TBC1D2B: variants seen among roughly 807,000 people sequenced by gnomAD.
TBC1D2B encodes the protein TBC1 domain family member 2B.
In TBC1D2B, 64 loss-of-function variants were observed where a neutral mutation model predicts 100.8. The ratio of observed to expected loss-of-function variants is 0.64; its 90% CI spans 0.52 to 0.78. TBC1D2B has a LOEUF of 0.78. Among genes scored for constraint, TBC1D2B ranks in the 30% least tolerant of loss-of-function variants. The probability of loss-of-function intolerance (pLI) is 0.00; values close to 1 mark genes in which losing one functional copy is unlikely to be tolerated. For synonymous variants in TBC1D2B, 480 were observed against 479.7 expected (o/e 1.00, Z -0.01); for missense variants, 1,052 against 1,218.4 (o/e 0.86, Z 2.03).
intron 3 of TBC1D2B, among the ~76,000 whole-genome samples, chr15:78,041,601 T>TACAA (rs2073095873): frequency 6.6e-6 from 1 of 152,252 alleles, no homozygotes; most frequent in Non-Finnish European, 1.5e-5. Context: ...AGCCATTCAT[T>TACAA]TATAATACAG....
intron 1 of TBC1D2B, among the ~76,000 whole-genome samples, chr15:78,068,735 A>T (rs1333588413): frequency 6.6e-6 from 1 of 152,158 alleles, no homozygotes; most frequent in Non-Finnish European, 1.5e-5. Context: ...GAATGCCAAG[A>T]TGTTTACTGA....
Position 78,003,365 on chromosome 15 carries a change from A to G in TBC1D2B, c.2514T>C (p.Asp838=). 2 of 1,613,946 alleles carry G rather than the reference A, an allele frequency of 1.2e-6. No homozygotes were observed. The highest frequency in any genetic ancestry group is 1.1e-5 in the South Asian group (1 of 91,090). The change falls in exon 11 of 13, where the codon GAT becomes GAC. Residue 838 remains aspartate, a synonymous_variant. Transcript: ENST00000300584. ...TAAAGAGGATGTCACTAACGACACT[A>G]TCCACAAATACCACCAGAAACCAGT... is the stretch of plus-strand genomic sequence containing the variant. ...TFNWFLVVFV[D]SVVSDILFKI... is the part of the protein sequence containing the mutation.
chr15:78,007,468 G>A (rs1034956234), intron 10 of TBC1D2B, among the ~76,000 whole-genome samples: 1 of 152,366 alleles, frequency 6.6e-6, no homozygotes. Context: ...TACAGGGGAA[G>A]GAGGCAGGAG....
intron 2 of TBC1D2B, among the ~76,000 whole-genome samples, chr15:78,050,259 C>A (rs941424968): frequency 3.9e-5 from 6 of 152,198 alleles, no homozygotes; most frequent in African/African-American, 1.4e-4. Context: ...CTAACCAATG[C>A]AGCTGCTTCA....
In TBC1D2B at chr15:77,996,617, A is replaced by G. The variant is rs562066622; in HGVS notation, c.*1543T>C. The G allele has an allele frequency of 6.6e-6, 1 of 152,382 alleles. No individual in the cohort carries two copies. The highest frequency in any genetic ancestry group is 1.5e-5 in the Non-Finnish European group (1 of 68,044). 9.4% of individuals were successfully genotyped at this position (152,382 alleles called of 1,614,324 possible). On this transcript the variant is annotated 3_prime_UTR_variant, in exon 13 of 13. Transcript: ENST00000300584. ...AGCTCCGTCTACCCAGTGAAACATT[A>G]GTGGAGTTGGTTAAAGACACGAAGC...
At chr15:78,057,032 C>A (rs2073439579) in intron 1 of TBC1D2B, among the ~76,000 whole-genome samples, 1 of 152,198 alleles carries the variant, frequency 6.6e-6, no homozygotes, top group Admixed American at 6.5e-5. Context: ...GCTAGAGAAG[C>A]TGGCACATAC....
At chr15:78,029,680 G>C (rs1488934385) in intron 4 of TBC1D2B, among the ~76,000 whole-genome samples, 1 of 152,138 alleles carries the variant, frequency 6.6e-6, no homozygotes, top group African/African-American at 2.4e-5. Flanking sequence ...GTGTACACCA[G>C]AATTCATGAG....
At chr15:78,018,567 AT>A (rs752273986) in intron 6 of TBC1D2B, among the ~76,000 whole-genome samples, 4 of 152,250 alleles carry the variant, frequency 2.6e-5, no homozygotes, top group Admixed American at 6.5e-5. Context: ...CTTCACCTAA[AT>A]TAGCCAATTG....
rs2071725851 is a variant in TBC1D2B, at chr15:77,995,479, G to A, written c.*2681C>T. 6.6e-6 allele frequency: 1 copy of A among 152,316 alleles called. No homozygotes were observed. Among genetic ancestry groups the A allele is most frequent in the Non-Finnish European group, 1.5e-5 (1 of 68,014 alleles). 9.4% of individuals were successfully genotyped at this position (152,316 alleles called of 1,614,324 possible). A position where few individuals can be genotyped will look rare whatever the true frequency, so the allele number is the denominator to read the frequency against. On this transcript the variant is annotated 3_prime_UTR_variant, in exon 13 of 13. Coordinates refer to ENST00000300584, the MANE Select transcript of TBC1D2B (RefSeq NM_144572.2). ...GGTGAGTCAGTGAGAGTCAGGGCCA[G>A]AGGGAAAAGCAACTCGGAGGCTGAG...
intron 9 of TBC1D2B, among the ~76,000 whole-genome samples, chr15:78,012,505 A>G (rs1458172221): frequency 6.6e-6 from 1 of 152,246 alleles, no homozygotes; most frequent in East Asian, 1.9e-4. Context: ...TTTCCACTCC[A>G]TGCATTACAA....
rs1334484616 is a variant in TBC1D2B, at chr15:77,998,207, T to C, written c.2845A>G (p.Ser949Gly). Reference protein sequence around the residue: ...REDFLRERDTSPDKGELVSDE... With the variant: ...REDFLRERDTGPDKGELVSDE... Reference sequence around the variant, plus strand: ...CTGACCAGCTCACCCTTGTCAGGGCTGGTGTCCCGCTCACGCAGGAAGTCC... The same window carrying C: ...CTGACCAGCTCACCCTTGTCAGGGCCGGTGTCCCGCTCACGCAGGAAGTCC... Residue 949 changes from serine to glycine, a missense_variant, in exon 13 of 13, where the codon AGC becomes GGC. Physicochemically the swap from Ser to Gly is moderately conservative, Grantham distance 56. This residue lies in a region of TBC1D2B where 47 missense variants were observed against 88.3 expected (regional missense o/e 0.53). Transcript: ENST00000300584. 5 of 1,562,256 alleles carry C rather than the reference T, an allele frequency of 3.2e-6. No homozygotes were observed. Among genetic ancestry groups the C allele is most frequent in the Non-Finnish European group, 4.3e-6 (5 of 1,153,662 alleles).
chr15:78,030,236 T>C, intron 3 of TBC1D2B, 66 bp from the exon 4 acceptor site: 2 of 1,407,368 alleles, frequency 1.4e-6, no homozygotes, highest in Non-Finnish European at 1.9e-6. Context: ...ATCTCATGTA[T>C]ATAGGATTGG....
intron 9 of TBC1D2B, among the ~76,000 whole-genome samples, chr15:78,010,523 A>G (rs1053697176): frequency 9.2e-5 from 14 of 152,144 alleles, no homozygotes; most frequent in Non-Finnish European, 1.3e-4. Context: ...AAGTCCAGGA[A>G]GGGGATGTCT....
intron 1 of TBC1D2B, among the ~76,000 whole-genome samples, chr15:78,055,345 C>G (rs1048039116): frequency 3.8e-4 from 57 of 151,922 alleles, no homozygotes; most frequent in African/African-American, 1.3e-3. Flanking sequence ...GGGAGAGGAC[C>G]CAGAACAATG....
At chr15:78,044,717 G>A (rs2073160202) in intron 3 of TBC1D2B, among the ~76,000 whole-genome samples, 183 bp downstream of exon 3, 1 of 152,224 alleles carries the variant, frequency 6.6e-6, no homozygotes, top group Non-Finnish European at 1.5e-5. Flanking sequence ...TTGGCATAGT[G>A]TCAGACACAG....
intron 3 of TBC1D2B, among the ~76,000 whole-genome samples, chr15:78,036,458 C>A (rs1477025552): frequency 6.6e-6 from 1 of 152,176 alleles, no homozygotes; most frequent in African/African-American, 2.4e-5. Context: ...AAGGCTCAGT[C>A]TTCACGAATG....
chr15:78,000,375 G>A (rs769401161), intron 12 of TBC1D2B, among the ~76,000 whole-genome samples: 39 of 152,230 alleles, frequency 2.6e-4, no homozygotes, highest in Non-Finnish European at 4.8e-4. Context: ...TGAGGGCAGC[G>A]GCGCTCCCAA....
chr15:78,056,248 G>A (rs2073419788), intron 1 of TBC1D2B, among the ~76,000 whole-genome samples: 1 of 152,220 alleles, frequency 6.6e-6, no homozygotes, highest in Non-Finnish European at 1.5e-5. Context: ...GGGAGAGAGA[G>A]AAGTGTCTAC....
At chr15:78,032,099 C>T (rs1205685009) in intron 3 of TBC1D2B, among the ~76,000 whole-genome samples, 1 of 152,160 alleles carries the variant, frequency 6.6e-6, no homozygotes, top group Non-Finnish European at 1.5e-5. Context: ...AAGTCTTCAA[C>T]CGAGTACTGA....
Sources: allele counts gnomAD v4.1 joint callset (sites outside exome capture counted in the v4.1 genomes callset), GRCh38; gene constraint gnomAD v4.1.1; regional missense constraint gnomAD v4.1.1; transcripts MANE v1.5; gene names NCBI Gene and HGNC (gene_info 2026-07-23, HGNC 2026-07-21).